MCC: variants seen among roughly 807,000 people sequenced by gnomAD.
MCC encodes the protein colorectal mutant cancer protein.
In MCC, 90 loss-of-function variants were observed where a neutral mutation model predicts 116.2. That is an observed-to-expected ratio of 0.77 (90% CI 0.65 to 0.92). MCC has a LOEUF of 0.92. Ranked by LOEUF, MCC falls within the 40% of genes least tolerant of loss-of-function variation. The pLI is 0.00. For synonymous variants in MCC, 578 were observed against 510.5 expected (o/e 1.13, Z -1.78); for missense variants, 1,516 against 1,312.2 (o/e 1.16, Z -2.40).
intron 1 of MCC, among the ~76,000 whole-genome samples, chr5:113,396,593 G>A (rs949248879): frequency 1.3e-5 from 2 of 152,080 alleles, no homozygotes; most frequent in Non-Finnish European, 2.9e-5. Context: ...TTGAGATCGC[G>A]CCTCTGCACT....
intron 3 of MCC, among the ~76,000 whole-genome samples, chr5:113,177,614 A>G (rs1342186794): frequency 6.6e-6 from 1 of 152,244 alleles, no homozygotes; most frequent in Non-Finnish European, 1.5e-5. Flanking sequence ...ACATTTTGCC[A>G]TTAAAGCCAT....
chr5:113,261,909 C>T (rs1360194555), intron 3 of MCC, among the ~76,000 whole-genome samples: 2 of 152,056 alleles, frequency 1.3e-5, no homozygotes, highest in Non-Finnish European at 2.9e-5. Context: ...CTCCTAAAAG[C>T]TATTTTCATT....
At chr5:113,175,567 G>A (rs1041725314) in intron 3 of MCC, among the ~76,000 whole-genome samples, 1 of 152,056 alleles carries the variant, frequency 6.6e-6, no homozygotes, top group African/African-American at 2.4e-5. Context: ...AGTAGTGACA[G>A]ATAAATAGAT....
chr5:113,230,638 T>C (rs1763906025), intron 3 of MCC, among the ~76,000 whole-genome samples: 1 of 152,124 alleles, frequency 6.6e-6, no homozygotes, highest in Non-Finnish European at 1.5e-5. Flanking sequence ...TATATTAACA[T>C]AGTCTAATTT....
At chr5:113,179,674 G>A (rs1761512302) in intron 3 of MCC, among the ~76,000 whole-genome samples, 2 of 152,264 alleles carry the variant, frequency 1.3e-5, no homozygotes, top group South Asian at 4.2e-4. Context: ...AGACAAAAAT[G>A]AATGCAGTTG....
intron 1 of MCC, among the ~76,000 whole-genome samples, chr5:113,472,262 G>C (rs577771953): frequency 1.3e-5 from 2 of 152,266 alleles, no homozygotes; most frequent in Admixed American, 6.5e-5. Flanking sequence ...GCTCACGCTG[G>C]GAGCTGTAGA....
intron 2 of MCC, among the ~76,000 whole-genome samples, chr5:113,382,131 C>T (rs1409622358): frequency 1.3e-5 from 2 of 152,032 alleles, no homozygotes; most frequent in Non-Finnish European, 2.9e-5. Flanking sequence ...CTAATGGGGA[C>T]ACAAAGTCAA....
chr5:113,281,037 G>T (rs1454286996), intron 3 of MCC, among the ~76,000 whole-genome samples: 1 of 152,144 alleles, frequency 6.6e-6, no homozygotes, highest in East Asian at 1.9e-4. Flanking sequence ...CAAAACACTG[G>T]CAGGAATATT....
At chr5:113,072,458 G>C (rs986251693) in intron 11 of MCC, among the ~76,000 whole-genome samples, 1 of 152,116 alleles carries the variant, frequency 6.6e-6, no homozygotes, top group Non-Finnish European at 1.5e-5. Flanking sequence ...GTCTGTCCCG[G>C]CTAATTAGAT....
At chr5:113,107,437 C>T (rs1367274921) in intron 6 of MCC, among the ~76,000 whole-genome samples, 4 of 151,920 alleles carry the variant, frequency 2.6e-5, no homozygotes, top group Admixed American at 2.0e-4. Flanking sequence ...AGGCTAGTCT[C>T]GAACTCCTGA....
chr5:113,427,984 T>A (rs1258274199), intron 1 of MCC, among the ~76,000 whole-genome samples: 1 of 152,130 alleles, frequency 6.6e-6, no homozygotes, highest in Non-Finnish European at 1.5e-5. Flanking sequence ...CCAAAATAAA[T>A]GTCCAGGCTT....
At chr5:113,155,564 A>G (rs1437142012) in intron 3 of MCC, among the ~76,000 whole-genome samples, 1 of 152,218 alleles carries the variant, frequency 6.6e-6, no homozygotes, top group African/African-American at 2.4e-5. Context: ...TAAATCTTGG[A>G]AAGATAAATG....
At chr5:113,474,570 G>A (rs1487874330) in intron 1 of MCC, among the ~76,000 whole-genome samples, 1 of 152,202 alleles carries the variant, frequency 6.6e-6, no homozygotes, top group African/African-American at 2.4e-5. Context: ...GTAAGGAACA[G>A]GCAACTGTTG....
chr5:113,366,866 G>A (rs141433091), intron 2 of MCC, among the ~76,000 whole-genome samples: 217 of 152,178 alleles, frequency 1.4e-3, no homozygotes, highest in African/African-American at 4.8e-3. Context: ...GCAGTGGTGC[G>A]ATCATACTCA....
Position 113,274,484 on chromosome 5 carries a change from C to T in MCC, c.627+66035G>A, listed in dbSNP as rs563090967. ...AAATGATTCTCCTGCCACAGCCTCCCGAGTAGCTGGGATTACAGGCGCATG... is the reference window on the plus strand; with the variant it reads ...AAATGATTCTCCTGCCACAGCCTCCTGAGTAGCTGGGATTACAGGCGCATG... On this transcript the variant is annotated intron_variant, in intron 3 of 18. Transcript: ENST00000408903. Among the ~76,000 whole-genome samples the T allele has an allele frequency of 4.5e-4, 69 of 152,282 alleles. No homozygotes were observed. In the South Asian group the frequency reaches 5.0e-3, roughly 11 times the overall value.
intron 6 of MCC, among the ~76,000 whole-genome samples, chr5:113,115,932 T>TAG (rs1468373637): frequency 6.6e-6 from 1 of 152,068 alleles, no homozygotes; most frequent in East Asian, 1.9e-4. Flanking sequence ...CTTGAAGAAA[T>TAG]AGTTACAAGT....
chr5:113,175,951 C>T (rs1259879509), intron 3 of MCC, among the ~76,000 whole-genome samples: 1 of 152,026 alleles, frequency 6.6e-6, no homozygotes. Flanking sequence ...CTGCATCCTA[C>T]CCCCTATGTA....
At chr5:113,220,292 C>G (rs1763500633) in intron 3 of MCC, among the ~76,000 whole-genome samples, 1 of 151,906 alleles carries the variant, frequency 6.6e-6, no homozygotes, top group East Asian at 1.9e-4. Context: ...ATCTCCTGAC[C>G]TCATGATCCA....
At chr5:113,398,292 T>C (rs995947592) in intron 1 of MCC, among the ~76,000 whole-genome samples, 4 of 152,118 alleles carry the variant, frequency 2.6e-5, no homozygotes, top group African/African-American at 7.2e-5. Flanking sequence ...CTCAAAGAAC[T>C]AAACATGGAA....
Sources: allele counts gnomAD v4.1 joint callset (sites outside exome capture counted in the v4.1 genomes callset), GRCh38; gene constraint gnomAD v4.1.1; transcripts MANE v1.5; gene names NCBI Gene and HGNC (gene_info 2026-07-23, HGNC 2026-07-21).